The following DYNAP variants were observed in gnomAD, a reference collection of about 807,000 sequenced individuals.
DYNAP encodes dynactin-associated protein.
In DYNAP, 7 loss-of-function variants were observed where a neutral mutation model predicts 8.5. The ratio of observed to expected loss-of-function variants is 0.82; its 90% confidence interval spans 0.47 to 1.54. The LOEUF is 1.54. DYNAP is among the 40% of genes most tolerant of loss of function. The pLI is 0.01. For synonymous variants in DYNAP, 77 were observed against 77.9 expected, an observed-to-expected ratio of 0.99 and a Z score of 0.06; for missense variants, 256 against 224.3, an observed-to-expected ratio of 1.14 and a Z score of -0.90.
chr18:54,594,825 T>G, intron 1 of DYNAP, 114 bp from the exon 2 acceptor site: 2 of 1,176,406 alleles, frequency 1.7e-6, no homozygotes, highest in Non-Finnish European at 2.3e-6. Context: ...TAAGAAAACA[T>G]TTATTCCTTT....
Position 54,597,878 on chromosome 18 carries a change from T to G in DYNAP, c.288T>G (p.Cys96Trp). ...WKVFLACLLA[C>W]VIMTAIGVLI... ...TCTTCCTGGCTTGTCTCTTAGCCTG[T>G]GTGATAATGACAGCAATTGGAGTAC... is the stretch of plus-strand genomic sequence containing the variant. The change falls in exon 3 of 3, where the codon TGT (cysteine) becomes TGG (tryptophan). Residue 96 changes from cysteine (C) to tryptophan (W), a missense_variant. Cys to Trp is a radical substitution (Grantham distance 215). Transcript: ENST00000648945. 2 of 1,613,618 alleles carry G rather than the reference T, an allele frequency of 1.2e-6. 1 individual carries two copies. The highest frequency in any genetic ancestry group is 2.2e-5 in the South Asian group (2 of 91,040).
chr18:54,594,578 C>G (rs907194727), intron 1 of DYNAP, among the ~76,000 whole-genome samples: 1 of 152,040 alleles, frequency 6.6e-6, no homozygotes, highest in African/African-American at 2.4e-5. Context: ...CCAAAATGAC[C>G]TGAACAGGTT....
the DYNAP span, among the ~76,000 whole-genome samples, chr18:54,578,783 T>G: frequency 6.6e-6 from 1 of 151,992 alleles, no homozygotes; most frequent in Non-Finnish European, 1.5e-5. Context: ...AATTTTTTTA[T>G]TTTATTTTTT....
At chr18:54,585,194 T>A (rs369436492), upstream of DYNAP, among the ~76,000 whole-genome samples, 1 of 152,128 alleles carries the variant, frequency 6.6e-6, no homozygotes, top group African/African-American at 2.4e-5. Flanking sequence ...GTGACTAGAT[T>A]GTATTAAAAT....
chr18:54,587,888 G>A (rs937858126), upstream of DYNAP: 8 of 400,572 alleles, frequency 2.0e-5, no homozygotes, highest in Admixed American at 4.4e-5. Context: ...ATTCCTAGTC[G>A]CTGTGCTCAA....
rs925617740 is a variant in DYNAP at position 54,595,108 on chromosome 18, T to C, written c.222+5T>C. 4.4e-6 allele frequency: 7 copies of C among 1,607,898 alleles called. No individual in the cohort carries two copies. The Admixed American group carries it at 6.7e-5, about 15-fold the overall frequency. ...TCAGAATCCTGTAACACACAGGTAATGTGTAGCACGGGAGCTTTTATTCAA... is the reference window on the plus strand; with the variant it reads ...TCAGAATCCTGTAACACACAGGTAACGTGTAGCACGGGAGCTTTTATTCAA... On this transcript the variant is annotated splice_donor_5th_base_variant and intron_variant, in intron 2 of 2. Coordinates refer to ENST00000648945, the MANE Select transcript of DYNAP (RefSeq NM_173629.3).
rs746080132 is a variant in DYNAP, at chr18:54,598,163, A to T, written c.*18A>T. The T allele has an allele frequency of 6.3e-7, 1 of 1,584,730 alleles. No individual in the cohort carries two copies. The highest frequency in any genetic ancestry group is 8.6e-7 in the Non-Finnish European group (1 of 1,163,804). On this transcript the variant is annotated 3_prime_UTR_variant, in exon 3 of 3. Coordinates refer to ENST00000648945, the MANE Select transcript of DYNAP (RefSeq NM_173629.3). The stretch of plus-strand genomic sequence containing the variant: ...ATTTATAATTTGAACAGCCATAGCC[A>T]TCACTTCAACTGAAACTTCAACCTC...
Position 54,598,269 on chromosome 18 carries a change from ACT to A in DYNAP, c.*127_*128del. On this transcript the variant is annotated 3_prime_UTR_variant, in exon 3 of 3. Coordinates refer to ENST00000648945, the MANE Select transcript of DYNAP (RefSeq NM_173629.3). ...ATCATGGCTGCAGTCACTTTAACAG[ACT>A]CTATAACCGTTACAACTTCAACAAA... 9.8e-7 allele frequency: 1 copy of A among 1,022,076 alleles called. No individual in the cohort carries two copies. 63.3% of individuals were successfully genotyped at this position (1,022,076 alleles called of 1,614,324 possible).
chr18:54,590,664 A>G (rs1183383609), upstream of DYNAP, among the ~76,000 whole-genome samples: 1 of 152,158 alleles, frequency 6.6e-6, no homozygotes, highest in African/African-American at 2.4e-5. Flanking sequence ...GACAAACTAG[A>G]TTTTTTGACC....
In DYNAP at chr18:54,598,078, C is replaced by G. The variant is rs545343652; in HGVS notation, c.488C>G (p.Thr163Ser). 1 of 1,613,136 alleles carries G rather than the reference C, an allele frequency of 6.2e-7. No homozygotes were observed. The highest frequency in any genetic ancestry group is 1.1e-5 in the South Asian group (1 of 91,030). The stretch of plus-strand genomic sequence containing the variant: ...GCAAGTACAGCCACTGAATCTACAA[C>G]TTCAACAGCTACAGCTGCCACCACT... ...VPASTATEST[T>S]STATAATTST... The change falls in exon 3 of 3, where the codon ACT becomes AGT. Residue 163 changes from threonine to serine, a missense_variant. Transcript: ENST00000648945.
At chr18:54,595,848 TAG>T (rs1391759364) in intron 2 of DYNAP, among the ~76,000 whole-genome samples, 1 of 152,172 alleles carries the variant, frequency 6.6e-6, no homozygotes, top group Non-Finnish European at 1.5e-5. Context: ...AGTCTTGCTA[TAG>T]AGACTCAGTA....
chr18:54,580,186 T>C, the DYNAP span, among the ~76,000 whole-genome samples: 1 of 152,306 alleles, frequency 6.6e-6, no homozygotes, highest in East Asian at 1.9e-4. Context: ...AATTTTAAAA[T>C]TGACAGTCAG....
At chr18:54,594,904 T>C (rs769486421) in intron 1 of DYNAP, 35 bp from the exon 2 acceptor site, 1 of 1,583,066 alleles carries the variant, frequency 6.3e-7, no homozygotes, top group East Asian at 2.3e-5. Flanking sequence ...CATGGTTTCC[T>C]AGGCTTCCTA....
At chr18:54,594,868 A>T in intron 1 of DYNAP, 71 bp from the exon 2 acceptor site, 3 of 1,496,176 alleles carry the variant, frequency 2.0e-6, no homozygotes, top group Non-Finnish European at 2.7e-6. Flanking sequence ...TTTTGATAGA[A>T]GAATTTTATT....
upstream of DYNAP, among the ~76,000 whole-genome samples, chr18:54,590,087 A>G (rs955128230): frequency 6.6e-6 from 1 of 152,144 alleles, no homozygotes; most frequent in African/African-American, 2.4e-5. Context: ...ATATTCTGCA[A>G]CCATCACTGC....
chr18:54,577,942 T>G, the DYNAP span, among the ~76,000 whole-genome samples: 1 of 130,594 alleles, frequency 7.7e-6, no homozygotes, highest in African/African-American at 3.0e-5. Flanking sequence ...CCAGCCTGGG[T>G]GACAGAGCCA....
At chr18:54,595,158 T>A (rs1449022275) in intron 2 of DYNAP, 55 bp downstream of exon 2, 1 of 1,494,824 alleles carries the variant, frequency 6.7e-7, no homozygotes, top group Admixed American at 2.3e-5. Context: ...TATATGGGCA[T>A]GTACTTTGCC....
rs535079798 is a variant in DYNAP at position 54,594,901 on chromosome 18, T to G, written c.58-38T>G. 4.4e-6 allele frequency: 7 copies of G among 1,581,220 alleles called. No individual in the cohort carries two copies. In the South Asian group the frequency reaches 7.0e-5, roughly 16 times the overall value. On this transcript the variant is annotated intron_variant, in intron 1 of 2. Coordinates refer to ENST00000648945, the MANE Select transcript of DYNAP (RefSeq NM_173629.3). ...ATTTTAGCAACTCAACACCATGGTT[T>G]CCTAGGCTTCCTACTCACTTCCACT...
upstream of DYNAP, among the ~76,000 whole-genome samples, chr18:54,585,679 A>G (rs1201215668): frequency 6.6e-6 from 1 of 151,950 alleles, no homozygotes; most frequent in African/African-American, 2.4e-5. Flanking sequence ...ACTTCCTCTC[A>G]CTATCCTGCC....
Sources: allele counts gnomAD v4.1 joint callset (sites outside exome capture counted in the v4.1 genomes callset), GRCh38; gene constraint gnomAD v4.1.1; transcripts MANE v1.5; gene names NCBI Gene and HGNC (gene_info 2026-07-23, HGNC 2026-07-21).